CHCHD3: variants seen among roughly 807,000 people sequenced by gnomAD.
CHCHD3 encodes the protein coiled-coil-helix-coiled-coil-helix domain containing 3, also known as MICOS complex subunit MIC19.
A neutral mutation model predicts 38.2 loss-of-function variants in CHCHD3; 20 were observed. The observed-to-expected ratio is 0.52, with a 90% CI of 0.37 to 0.76. The LOEUF (loss-of-function observed/expected upper bound fraction) is 0.76, where lower values mean the gene tolerates loss of function less well. Ranked by LOEUF, CHCHD3 falls within the 30% of genes least tolerant of loss-of-function variation. The pLI, the probability that CHCHD3 is intolerant of heterozygous loss-of-function variation, is 0.00. For missense variants in CHCHD3, 245 were observed against 279.2 expected (o/e 0.88, Z 0.87); for synonymous variants, 82 against 100.0 (o/e 0.82, Z 1.07).
intron 4 of CHCHD3, among the ~76,000 whole-genome samples, chr7:132,936,857 T>G (rs1226490629): frequency 6.6e-6 from 1 of 152,210 alleles, no homozygotes; most frequent in African/African-American, 2.4e-5. Context: ...CCCCCATTGC[T>G]TGCAGTTAAA....
chr7:132,952,751 C>T (rs149672565), intron 4 of CHCHD3, among the ~76,000 whole-genome samples: 10 of 152,268 alleles, frequency 6.6e-5, no homozygotes, highest in African/African-American at 2.4e-4. Flanking sequence ...TTATTGGCTG[C>T]AGTAAAACCA....
At chr7:132,955,409 T>C (rs962010174) in intron 4 of CHCHD3, among the ~76,000 whole-genome samples, 3 of 152,170 alleles carry the variant, frequency 2.0e-5, no homozygotes. Context: ...TGTTAGTTTT[T>C]TTCATCTAGA....
intron 3 of CHCHD3, among the ~76,000 whole-genome samples, chr7:132,992,440 T>TA (rs1812307678): frequency 6.6e-6 from 1 of 152,086 alleles, no homozygotes. Context: ...CTCCAAGCTT[T>TA]AATGTTTTAA....
intron 4 of CHCHD3, among the ~76,000 whole-genome samples, chr7:132,962,384 T>C (rs1485095421): frequency 2.6e-5 from 4 of 152,164 alleles, no homozygotes; most frequent in South Asian, 2.1e-4. Flanking sequence ...GGTAAGAGAC[T>C]TGAAAGAGAA....
intron 4 of CHCHD3, among the ~76,000 whole-genome samples, chr7:132,927,076 A>C (rs1222718215): frequency 6.6e-6 from 1 of 152,234 alleles, no homozygotes; most frequent in African/African-American, 2.4e-5. Context: ...GGCTATTGCA[A>C]TGTCTTCATA....
rs563879199 is a variant in CHCHD3, at chr7:133,055,709, T to C, written c.169+14433A>G. On this transcript the variant is annotated intron_variant, in intron 2 of 7. Coordinates refer to ENST00000262570, the MANE Select transcript of CHCHD3 (RefSeq NM_017812.4). The stretch of plus-strand genomic sequence containing the variant: ...AATACTGACTGCCAAGAGAAAAATA[T>C]AGATAAAATGTCATGTGAGTTTAGA... Among the ~76,000 whole-genome samples, 7 of 151,040 alleles carry C rather than the reference T, an allele frequency of 4.6e-5. No individual in the cohort carries two copies. In the South Asian group the frequency reaches 1.5e-3, roughly 31 times the overall value.
intron 5 of CHCHD3, among the ~76,000 whole-genome samples, chr7:132,839,042 A>T (rs1807872170): frequency 6.6e-6 from 1 of 151,944 alleles, no homozygotes; most frequent in East Asian, 1.9e-4. Flanking sequence ...AAAAAAAAAA[A>T]TTAGCTGGGC....
intron 4 of CHCHD3, chr7:132,974,079 G>A: frequency 8.2e-7 from 1 of 1,216,904 alleles, no homozygotes; most frequent in Non-Finnish European, 1.1e-6. Context: ...ACAAAAGGCA[G>A]AACATTATTC....
intron 4 of CHCHD3, among the ~76,000 whole-genome samples, chr7:132,925,972 C>A (rs1810367995): frequency 6.6e-6 from 1 of 152,178 alleles, no homozygotes. Context: ...GAAGTCCAAG[C>A]TGCACTTAGA....
intron 6 of CHCHD3, among the ~76,000 whole-genome samples, chr7:132,807,256 T>C (rs1006206785): frequency 3.9e-5 from 6 of 152,264 alleles, no homozygotes; most frequent in Admixed American, 3.3e-4. Flanking sequence ...TGATGGGAGA[T>C]GCTCAACGCT....
At chr7:132,941,772 C>T (rs899932343) in intron 4 of CHCHD3, among the ~76,000 whole-genome samples, 2 of 152,028 alleles carry the variant, frequency 1.3e-5, no homozygotes, top group African/African-American at 2.4e-5. Flanking sequence ...AAGCACAGGA[C>T]GGGATGGGAG....
chr7:132,785,743 G>A, intron 7 of CHCHD3, 83 bp from the exon 8 acceptor site: 4 of 1,380,342 alleles, frequency 2.9e-6, no homozygotes, highest in Non-Finnish European at 4.1e-6. Context: ...TATGATTTGT[G>A]TTGCTTTTCA....
At chr7:133,016,111 G>A (rs1264031628) in intron 3 of CHCHD3, among the ~76,000 whole-genome samples, 4 of 152,180 alleles carry the variant, frequency 2.6e-5, no homozygotes. Context: ...ATTTCAACAT[G>A]AGATGTGGGT....
At chr7:132,815,647 G>A (rs1158024620) in intron 6 of CHCHD3, 1 of 453,652 alleles carries the variant, frequency 2.2e-6, no homozygotes, top group Non-Finnish European at 4.4e-6. Flanking sequence ...AGGAAAAAAA[G>A]TGAAAAGAGA....
chr7:132,817,178 T>C (rs1563244188), intron 6 of CHCHD3, among the ~76,000 whole-genome samples: 1 of 152,006 alleles, frequency 6.6e-6, no homozygotes, highest in Non-Finnish European at 1.5e-5. Context: ...AAGATTCATG[T>C]AATTTTCCTG....
At position 133,007,112 on chromosome 7, in the gene CHCHD3, G is replaced by GA. The variant is rs1299766183; in HGVS notation, c.251+17433dup. ...ACAGTGTGAGTTATTTTTGTAACTA[G>GA]AAAAAAATACTTATTACTATCATGT... On this transcript the variant is annotated intron_variant, in intron 3 of 7. Transcript: ENST00000262570. Among the ~76,000 whole-genome samples, 4 of 152,152 alleles carry GA rather than the reference G, an allele frequency of 2.6e-5. No individual in the cohort carries two copies. The South Asian group carries it at 8.3e-4, about 32-fold the overall frequency.
intron 4 of CHCHD3, among the ~76,000 whole-genome samples, chr7:132,904,188 G>A (rs1206738954): frequency 6.6e-6 from 1 of 151,944 alleles, no homozygotes; most frequent in Non-Finnish European, 1.5e-5. Context: ...TTGAGCCCAG[G>A]AGGTCAAGGC....
At chr7:133,030,657 T>C (rs981831615) in intron 2 of CHCHD3, among the ~76,000 whole-genome samples, 1 of 152,250 alleles carries the variant, frequency 6.6e-6, no homozygotes, top group Admixed American at 6.5e-5. Context: ...CTTTTAGAAA[T>C]GTGTTAAGAC....
Position 133,035,679 on chromosome 7 carries a change from T to C in CHCHD3, c.170-11052A>G. ...TGGAGTACTTCCCCGCAGCTCCTCA[T>C]TGCTCACATAGTAGGCAATGGCGTT... is the stretch of plus-strand genomic sequence containing the variant. On this transcript the variant is annotated intron_variant, in intron 2 of 7. Coordinates refer to ENST00000262570, the MANE Select transcript of CHCHD3 (RefSeq NM_017812.4). This position sits in a 1 kb window ranked among gnomAD's most constrained non-coding sequence, Gnocchi z 4.7. 3.7e-6 allele frequency: 6 copies of C among 1,613,144 alleles called. No homozygotes were observed. The highest frequency in any genetic ancestry group is 5.1e-6 in the Non-Finnish European group (6 of 1,179,298).
Sources: gnomAD v4.1 joint callset for allele counts (sites outside exome capture counted in the v4.1 genomes callset) on GRCh38, gnomAD v4.1.1 for gene constraint, Gnocchi (gnomAD v3.1) non-coding constraint, MANE v1.5 for transcripts, NCBI Gene and HGNC (gene_info 2026-07-23, HGNC 2026-07-21) for gene names.